Variants in PCDHA5 observed in about 807,000 individuals in gnomAD.
The protein encoded by PCDHA5 is protocadherin alpha 5, also known as protocadherin alpha-5.
PCDHA5 carries 43 observed loss-of-function variants against 61.6 expected under a neutral mutation model. That is an observed-to-expected ratio of 0.70 (90% CI 0.55 to 0.90). PCDHA5 has a LOEUF of 0.90. Among genes scored for constraint, PCDHA5 ranks in the 40% least tolerant of loss-of-function variants. The probability of loss-of-function intolerance (pLI) is 0.00; values close to 1 mark genes in which losing one functional copy is unlikely to be tolerated. For missense variants in PCDHA5, 1,298 were observed against 1,222.7 expected (o/e 1.06, Z -0.92); for synonymous variants, 627 against 543.9 (o/e 1.15, Z -2.13).
At position 140,823,692 on chromosome 5, in the gene PCDHA5, C is replaced by T. The variant is rs2150128224; in HGVS notation, c.1917C>T (p.Thr639=). 4 of 1,613,934 alleles carry T rather than the reference C, an allele frequency of 2.5e-6. No homozygotes were observed. The highest frequency in any genetic ancestry group is 1.1e-5 in the South Asian group (1 of 91,080). Residue 639 remains threonine (T), a synonymous_variant, in exon 1 of 4, where the codon ACC becomes ACT. Transcript: ENST00000529859. ...EISTTRSLDE[T]EAPRHRLLVL... ...GCACAACACGCTCTCTGGATGAGAC[C>T]GAAGCACCGCGCCACCGCCTTCTGG...
At position 140,876,392 on chromosome 5, in the gene PCDHA5, A is replaced by C. The variant is rs373053230; in HGVS notation, c.2352+52265A>C. ...ACAGGTGAAATTAGAATTTATGGTG[A>C]ACTGGATTTTGAAGAGAATAATGCC... On this transcript the variant is annotated intron_variant, in intron 1 of 3. Transcript: ENST00000529859. 1.2e-4 allele frequency: 194 copies of C among 1,613,822 alleles called. No individual in the cohort carries two copies. The highest frequency in any genetic ancestry group is 1.6e-4 in the Non-Finnish European group (184 of 1,179,914).
chr5:140,978,545 T>C (rs1478928718), intron 1 of PCDHA5, among the ~76,000 whole-genome samples: 2 of 152,258 alleles, frequency 1.3e-5, no homozygotes, highest in Non-Finnish European at 2.9e-5. Context: ...TGTGTAGCCA[T>C]GTGCCCTGTT....
chr5:140,830,345 C>A lies in PCDHA5; in HGVS notation c.2352+6218C>A, dbSNP rs1275311628. ...CGCAGTGGGGAGCTGGTCGTACTCG[C>A]AGCAGAGGCGGCAGAGGGTGTGCTC... On this transcript the variant is annotated intron_variant, in intron 1 of 3. Transcript: ENST00000529859. 1.2e-6 allele frequency: 2 copies of A among 1,613,980 alleles called. No individual in the cohort carries two copies. Among genetic ancestry groups the A allele is most frequent in the African/African-American group, 2.7e-5 (2 of 74,922 alleles).
intron 1 of PCDHA5, chr5:140,863,088 C>T: frequency 1.7e-6 from 1 of 574,660 alleles, no homozygotes; most frequent in Non-Finnish European, 3.4e-6. Flanking sequence ...GCGAGATCAG[C>T]ACGACGAGTA....
rs782671966 is a variant in PCDHA5 at position 140,857,602 on chromosome 5, G to T, written c.2352+33475G>T. ...ACGCGGAGAGCGGCAAGGTGTACGCGCTGCAGCCGCTGGACCACGAGGAGC... is the reference window on the plus strand; with the variant it reads ...ACGCGGAGAGCGGCAAGGTGTACGCTCTGCAGCCGCTGGACCACGAGGAGC... On this transcript the variant is annotated intron_variant, in intron 1 of 3. Coordinates refer to ENST00000529859, the MANE Select transcript of PCDHA5 (RefSeq NM_018908.3). 17 of 1,596,266 alleles carry T rather than the reference G, an allele frequency of 1.1e-5. 1 individual carries two copies. Among genetic ancestry groups the T allele is most frequent in the Non-Finnish European group, 1.5e-5 (17 of 1,167,710 alleles).
intron 1 of PCDHA5, among the ~76,000 whole-genome samples, chr5:140,942,908 G>A (rs187574457): frequency 2.6e-5 from 4 of 151,726 alleles, no homozygotes; most frequent in African/African-American, 9.7e-5. Flanking sequence ...AAGAATAAGC[G>A]TGAAGAAAAA....
intron 1 of PCDHA5, chr5:140,842,931 C>A: frequency 1.3e-6 from 2 of 1,594,502 alleles, no homozygotes; most frequent in Non-Finnish European, 1.7e-6. Flanking sequence ...CAGGTGAGCG[C>A]GCGCGACGCG....
At chr5:140,842,773 G>C in intron 1 of PCDHA5, 1 of 1,594,638 alleles carries the variant, frequency 6.3e-7, no homozygotes. Flanking sequence ...ACGCGGACGC[G>C]CAGGAGAACG....
chr5:140,945,596 T>C (rs2093812585), intron 1 of PCDHA5, among the ~76,000 whole-genome samples: 1 of 152,060 alleles, frequency 6.6e-6, no homozygotes, highest in Admixed American at 6.6e-5. Context: ...ACTTCAAAGC[T>C]ATAATAATCA....
intron 1 of PCDHA5, chr5:140,824,610 G>GGTTTTTTTTTT (rs1768189767): frequency 1.1e-5 from 1 of 95,104 alleles, no homozygotes; most frequent in African/African-American, 4.9e-5. Context: ...GCTAATTAAA[G>GGTTTTTTTTTT]TTTTTTTTTT....
chr5:140,900,360 C>T (rs952432002), intron 1 of PCDHA5, among the ~76,000 whole-genome samples: 2 of 152,168 alleles, frequency 1.3e-5, no homozygotes, highest in Non-Finnish European at 2.9e-5. Flanking sequence ...TCACCGCAAC[C>T]TCTGCCTCCT....
At chr5:140,946,237 A>C (rs540442862) in intron 1 of PCDHA5, among the ~76,000 whole-genome samples, 8 of 152,268 alleles carry the variant, frequency 5.3e-5, no homozygotes, top group African/African-American at 1.9e-4. Context: ...AAAAATGCTC[A>C]ACATCATGAA....
At position 140,915,662 on chromosome 5, in the gene PCDHA5, G is replaced by T. The variant is rs75670796; in HGVS notation, c.2353-63287G>T. On this transcript the variant is annotated intron_variant, in intron 1 of 3. Transcript: ENST00000529859. ...TCTCTCTCTCTCTCTCTCTCAAGGT[G>T]CTGGGCCATCTTGAACTAGGGGTAT... is the stretch of plus-strand genomic sequence containing the variant. 8.2e-3 allele frequency among the ~76,000 whole-genome samples: 1,195 copies of T among 145,332 alleles called. 7 individuals are homozygous for T. Among genetic ancestry groups the T allele is most frequent in the African/African-American group, 0.02 (782 of 39,430 alleles).
chr5:140,972,406 A>T (rs75214457), intron 1 of PCDHA5, among the ~76,000 whole-genome samples: 3,555 of 151,374 alleles, frequency 0.023, 73 homozygotes, highest in Middle Eastern at 0.055. Flanking sequence ...CTATTGGCAA[A>T]CCCTGTTAAG....
intron 1 of PCDHA5, among the ~76,000 whole-genome samples, chr5:140,940,317 A>G (rs782009825): frequency 1.5e-4 from 23 of 152,024 alleles, no homozygotes; most frequent in Non-Finnish European, 2.2e-4. Context: ...CTTTCTTCCA[A>G]TTTTACTAAT....
chr5:140,834,303 G>A (rs797039275), intron 1 of PCDHA5: 4 of 1,308,316 alleles, frequency 3.1e-6, no homozygotes, highest in Admixed American at 2.2e-5. Context: ...CACACATCGA[G>A]ATTGAAATGA....
chr5:141,009,372 T>C (rs1026606654), intron 3 of PCDHA5, among the ~76,000 whole-genome samples: 3 of 152,152 alleles, frequency 2.0e-5, no homozygotes, highest in Non-Finnish European at 1.5e-5. Context: ...GATGGGAGGA[T>C]TGATTGAGCA....
chr5:140,977,364 A>G (rs967972541), intron 1 of PCDHA5, among the ~76,000 whole-genome samples: 2 of 152,206 alleles, frequency 1.3e-5, no homozygotes, highest in African/African-American at 4.8e-5. Flanking sequence ...GATAAAAAGT[A>G]TTTTAGTCAT....
chr5:140,886,159 C>T (rs1006053368), intron 1 of PCDHA5, among the ~76,000 whole-genome samples: 16 of 152,164 alleles, frequency 1.1e-4, no homozygotes, highest in Non-Finnish European at 2.1e-4. Flanking sequence ...TTTTTATAGC[C>T]ACATCTGCTT....
Sources: gnomAD v4.1 joint callset for allele counts (sites outside exome capture counted in the v4.1 genomes callset) on GRCh38, gnomAD v4.1.1 for gene constraint, MANE v1.5 for transcripts, NCBI Gene and HGNC (gene_info 2026-07-23, HGNC 2026-07-21) for gene names.